REPS1: variants seen among roughly 807,000 people sequenced by gnomAD.
REPS1 encodes the protein ralBP1-associated Eps domain-containing protein 1.
A neutral mutation model predicts 100.9 loss-of-function variants in REPS1; 39 were observed. The ratio of observed to expected loss-of-function variants is 0.39; its 90% CI spans 0.30 to 0.50. REPS1 has a LOEUF of 0.50. REPS1 is among the 20% of genes least tolerant of loss of function. The probability of loss-of-function intolerance (pLI) is 0.86; values close to 1 mark genes in which losing one functional copy is unlikely to be tolerated. For missense variants in REPS1, 821 were observed against 968.5 expected (o/e 0.85, Z 2.02); for synonymous variants, 324 against 340.3 (o/e 0.95, Z 0.53).
At chr6:138,938,303 T>A (rs536420014) in intron 8 of REPS1, among the ~76,000 whole-genome samples, 1 of 152,326 alleles carries the variant, frequency 6.6e-6, no homozygotes, top group South Asian at 2.1e-4. Flanking sequence ...TGCATGCCTA[T>A]AGAAAGCCTA....
intron 7 of REPS1, among the ~76,000 whole-genome samples, chr6:138,941,814 G>C (rs1782270616): frequency 6.6e-6 from 1 of 152,110 alleles, no homozygotes; most frequent in African/African-American, 2.4e-5. Context: ...TACGTAATAA[G>C]TTAGTGAAAT....
At chr6:138,984,078 C>CTCT (rs1785111917) in intron 1 of REPS1, among the ~76,000 whole-genome samples, 1 of 134,448 alleles carries the variant, frequency 7.4e-6, no homozygotes, top group African/African-American at 2.8e-5. Flanking sequence ...CTCTCTCTCT[C>CTCT]TTTTTTTTTT....
intron 1 of REPS1, among the ~76,000 whole-genome samples, chr6:138,986,196 G>A (rs1785249397): frequency 6.6e-6 from 1 of 152,132 alleles, no homozygotes; most frequent in South Asian, 2.1e-4. Context: ...AGCATATGTG[G>A]CCAGCAAAGC....
chr6:138,920,922 G>A (rs1481855489), intron 11 of REPS1, 115 bp downstream of exon 11: 2 of 712,906 alleles, frequency 2.8e-6, no homozygotes, highest in African/African-American at 1.8e-5. Context: ...ATACATAATT[G>A]TAGAAAGTAC....
chr6:138,952,745 G>T (rs577734235), intron 1 of REPS1, among the ~76,000 whole-genome samples: 1 of 151,976 alleles, frequency 6.6e-6, no homozygotes, highest in African/African-American at 2.4e-5. Context: ...CACTCATTGG[G>T]GAAAGGACAG....
intron 1 of REPS1, among the ~76,000 whole-genome samples, chr6:138,980,284 C>T (rs1784864593): frequency 6.6e-6 from 1 of 152,146 alleles, no homozygotes; most frequent in South Asian, 2.1e-4. Flanking sequence ...TCCACTTGCC[C>T]CCAGTATTCT....
chr6:138,960,106 G>A (rs1317318803), intron 1 of REPS1, among the ~76,000 whole-genome samples: 1 of 152,158 alleles, frequency 6.6e-6, no homozygotes, highest in Non-Finnish European at 1.5e-5. Context: ...CCTCTTTGGA[G>A]ACTTCAGAAT....
chr6:138,944,282 C>G (rs991427953), intron 5 of REPS1, among the ~76,000 whole-genome samples: 1 of 152,122 alleles, frequency 6.6e-6, no homozygotes, highest in Non-Finnish European at 1.5e-5. Context: ...GATGCAGAAA[C>G]CTTTCAAAAC....
rs567987086 is a variant in REPS1 at position 138,965,305 on chromosome 6, T to TTAAAA, written c.154-17397_154-17393dup. On this transcript the variant is annotated intron_variant, in intron 1 of 19. Coordinates refer to ENST00000450536, the MANE Select transcript of REPS1 (RefSeq NM_001286611.2). The stretch of plus-strand genomic sequence containing the variant: ...TTTGATTCAGGTCTCAAATTCCCAA[T>TTAAAA]TAAAATAATTATTTGTATTATCTAC... Among the ~76,000 whole-genome samples the TTAAAA allele has an allele frequency of 4.0e-3, 611 of 151,774 alleles. 1 individual carries two copies. The highest frequency in any genetic ancestry group is 6.7e-3 in the Non-Finnish European group (454 of 67,902).
At chr6:138,970,125 T>G (rs1784257469) in intron 1 of REPS1, among the ~76,000 whole-genome samples, 3 of 152,112 alleles carry the variant, frequency 2.0e-5, no homozygotes, top group Admixed American at 1.3e-4. Flanking sequence ...ACAGAAAAGC[T>G]TAAGATTTAG....
At chr6:138,972,416 G>T (rs1221726050) in intron 1 of REPS1, among the ~76,000 whole-genome samples, 2 of 152,122 alleles carry the variant, frequency 1.3e-5, no homozygotes, top group Non-Finnish European at 2.9e-5. Context: ...GCAGTGAGTT[G>T]GTAGAAGCTT....
intron 19 of REPS1, 135 bp downstream of exon 19, chr6:138,907,360 C>A: frequency 4.3e-5 from 18 of 417,730 alleles, no homozygotes; most frequent in Non-Finnish European, 5.8e-5. Context: ...GGTTAACTAA[C>A]CACAGTCAAA....
intron 1 of REPS1, among the ~76,000 whole-genome samples, chr6:138,977,470 C>A (rs1784658579): frequency 1.3e-5 from 2 of 152,146 alleles, no homozygotes; most frequent in Admixed American, 1.3e-4. Context: ...AGAATAGCTT[C>A]AATGATATGC....
At chr6:138,913,241 C>T (rs1780131151) in intron 15 of REPS1, among the ~76,000 whole-genome samples, 1 of 151,806 alleles carries the variant, frequency 6.6e-6, no homozygotes, top group African/African-American at 2.4e-5. Flanking sequence ...TAGGTCTGGC[C>T]CTACCCCCAT....
intron 12 of REPS1, among the ~76,000 whole-genome samples, chr6:138,919,563 A>G (rs1780617590): frequency 6.6e-6 from 1 of 152,136 alleles, no homozygotes; most frequent in Non-Finnish European, 1.5e-5. Context: ...TATTCCAGGT[A>G]TTTGCCTGCT....
chr6:138,908,347 T>C (rs1779793659), intron 18 of REPS1, among the ~76,000 whole-genome samples: 1 of 152,144 alleles, frequency 6.6e-6, no homozygotes, highest in Non-Finnish European at 1.5e-5. Flanking sequence ...CAGGCTGGAG[T>C]GCAGTGGTGC....
chr6:138,987,489 G>A lies in REPS1; in HGVS notation c.153+41C>T, dbSNP rs1387149340. 4 of 1,509,552 alleles carry A rather than the reference G, an allele frequency of 2.6e-6. No individual in the cohort carries two copies. The African/African-American group carries it at 4.3e-5, about 16-fold the overall frequency. The allele number at this position is 1,509,552 out of a possible 1,614,324, so 93.5% of individuals were successfully genotyped here. On this transcript the variant is annotated intron_variant, in intron 1 of 19. Coordinates refer to ENST00000450536, the MANE Select transcript of REPS1 (RefSeq NM_001286611.2). ...CTCCCACTCCTGGAGGCCAGTGACT[G>A]CAGGCCTAAGCCGCCCGCCGGCCCC...
intron 1 of REPS1, among the ~76,000 whole-genome samples, chr6:138,969,634 G>C (rs540180396): frequency 6.6e-6 from 1 of 152,014 alleles, no homozygotes; most frequent in East Asian, 1.9e-4. Context: ...CTGAGCACAA[G>C]CTTTGCCATC....
At chr6:138,944,784 T>C (rs1300603802) in intron 4 of REPS1, among the ~76,000 whole-genome samples, 162 bp from the exon 5 acceptor site, 1 of 152,252 alleles carries the variant, frequency 6.6e-6, no homozygotes, top group Non-Finnish European at 1.5e-5. Context: ...TTCAATTATT[T>C]TGTGCTCTCC....
Sources: gnomAD v4.1 joint callset for allele counts (sites outside exome capture counted in the v4.1 genomes callset) on GRCh38, gnomAD v4.1.1 for gene constraint, MANE v1.5 for transcripts, NCBI Gene and HGNC (gene_info 2026-07-23, HGNC 2026-07-21) for gene names.